The following MYT1L variants were observed in gnomAD, a reference collection of about 807,000 sequenced individuals.
MYT1L encodes myelin transcription factor 1-like protein.
Under a neutral mutation model 126.7 loss-of-function variants are expected in MYT1L, and 12 were observed. The ratio of observed to expected loss-of-function variants is 0.09; its 90% CI spans 0.06 to 0.15. The LOEUF is 0.15. MYT1L is among the 10% of genes least tolerant of loss of function. The probability of loss-of-function intolerance (pLI) is 1.00; values close to 1 mark genes in which losing one functional copy is unlikely to be tolerated. For missense variants in MYT1L, 979 were observed against 1,585.2 expected, an observed-to-expected ratio of 0.62 and a Z score of 6.49; for synonymous variants, 541 against 604.2, an observed-to-expected ratio of 0.90 and a Z score of 1.53.
chr2:2,122,096 T>C (rs1218550796), intron 3 of MYT1L, among the ~76,000 whole-genome samples: 2 of 152,198 alleles, frequency 1.3e-5, no homozygotes, highest in African/African-American at 4.8e-5. Flanking sequence ...GACCTGATTA[T>C]GGCACTGGTG....
In MYT1L at chr2:1,861,627, GCAGCCTGTGTAATCCTGGATCTTCCTA is replaced by G. The variant is rs1373952696; in HGVS notation, c.2712-9951_2712-9925del. On this transcript the variant is annotated intron_variant, in intron 18 of 24. Transcript: ENST00000647738. ...AGCCTGTGTAATCCTAGATCTGCCTGCAGCCTGTGTAATCCTGGATCTTCCTACAGCCTGTGTAATCGTGGATCCTCC... is the reference window on the plus strand; with the variant it reads ...AGCCTGTGTAATCCTAGATCTGCCTGCAGCCTGTGTAATCGTGGATCCTCC... Among the ~76,000 whole-genome samples, 547 of 151,672 alleles carry G rather than the reference GCAGCCTGTGTAATCCTGGATCTTCCTA, an allele frequency of 3.6e-3. 2 individuals are homozygous for G. Among genetic ancestry groups the G allele is most frequent in the African/African-American group, 0.013 (530 of 41,258 alleles).
chr2:2,220,092 C>T (rs2148975295), intron 2 of MYT1L, among the ~76,000 whole-genome samples: 1 of 152,196 alleles, frequency 6.6e-6, no homozygotes, highest in Non-Finnish European at 1.5e-5. Flanking sequence ...GGTGAAATTT[C>T]TGTCCACGAA....
chr2:2,276,386 C>G (rs1160575233), intron 2 of MYT1L, among the ~76,000 whole-genome samples: 1 of 152,194 alleles, frequency 6.6e-6, no homozygotes, highest in African/African-American at 2.4e-5. Context: ...AATTATTTAA[C>G]TCATTGGGAT....
chr2:1,826,303 G>A (rs962353106), intron 21 of MYT1L, among the ~76,000 whole-genome samples: 1 of 152,248 alleles, frequency 6.6e-6, no homozygotes, highest in African/African-American at 2.4e-5. Context: ...GGCGCAGAGG[G>A]CCCTGCTGAA....
chr2:2,319,001 G>A (rs2149675316), intron 1 of MYT1L, among the ~76,000 whole-genome samples: 1 of 152,306 alleles, frequency 6.6e-6, no homozygotes. Flanking sequence ...CAAGGGAAAT[G>A]TGGCAAATAG....
At chr2:1,807,573 C>T (rs529422890) in intron 22 of MYT1L, among the ~76,000 whole-genome samples, 1 of 152,198 alleles carries the variant, frequency 6.6e-6, no homozygotes, top group South Asian at 2.1e-4. Flanking sequence ...TTTGCAGGCT[C>T]CATTTAGAAA....
At chr2:2,147,652 C>CG (rs1335901328) in intron 3 of MYT1L, among the ~76,000 whole-genome samples, 2 of 152,176 alleles carry the variant, frequency 1.3e-5, no homozygotes, top group Non-Finnish European at 2.9e-5. Context: ...ACCCGCAGGA[C>CG]GGGGGGCGGG....
intron 3 of MYT1L, among the ~76,000 whole-genome samples, chr2:2,097,084 C>A (rs1203324071): frequency 6.6e-6 from 1 of 152,168 alleles, no homozygotes. Context: ...ACCATCTCCC[C>A]CAGCCTCCCT....
chr2:2,143,620 G>T (rs2084377096), intron 3 of MYT1L, among the ~76,000 whole-genome samples: 1 of 152,140 alleles, frequency 6.6e-6, no homozygotes, highest in African/African-American at 2.4e-5. Context: ...GAGGGGCAGA[G>T]GTGGGTCATT....
intron 3 of MYT1L, among the ~76,000 whole-genome samples, chr2:2,055,427 C>T (rs72767356): frequency 0.042 from 6,403 of 152,238 alleles, 204 homozygotes; most frequent in Non-Finnish European, 0.065. Context: ...TTTGTTATAG[C>T]TATAAAGCAA....
At chr2:2,042,673 C>T in intron 4 of MYT1L, among the ~76,000 whole-genome samples, 1 of 152,138 alleles carries the variant, frequency 6.6e-6, no homozygotes, top group South Asian at 2.1e-4. Flanking sequence ...GTCCCTGCAC[C>T]AATGGTCCCG....
rs535152531 is a variant in MYT1L at position 1,875,948 on chromosome 2, G to A, written c.2711+10591C>T. Among the ~76,000 whole-genome samples, 7 of 152,164 alleles carry A rather than the reference G, an allele frequency of 4.6e-5. No individual in the cohort carries two copies. In the South Asian group the frequency reaches 8.3e-4, roughly 18 times the overall value. ...TCTGTTCATGTGTTACAGGAAAAAC[G>A]CATTATTTAATCTTATTTAAATAAT... On this transcript the variant is annotated intron_variant, in intron 18 of 24. Coordinates refer to ENST00000647738, the MANE Select transcript of MYT1L (RefSeq NM_001303052.2).
intron 3 of MYT1L, among the ~76,000 whole-genome samples, chr2:2,162,563 T>C (rs945409440): frequency 6.6e-5 from 10 of 152,010 alleles, no homozygotes; most frequent in African/African-American, 2.2e-4. Context: ...GGGCAGTGGA[T>C]TGGGGTCTGG....
At chr2:1,823,789 G>C (rs2038916729) in intron 21 of MYT1L, among the ~76,000 whole-genome samples, 1 of 152,248 alleles carries the variant, frequency 6.6e-6, no homozygotes. Context: ...GGCGTGTTCA[G>C]CCCTGCACTG....
chr2:2,320,063 A>C (rs1180838193), intron 1 of MYT1L, among the ~76,000 whole-genome samples: 3 of 152,096 alleles, frequency 2.0e-5, no homozygotes, highest in Non-Finnish European at 4.4e-5. Flanking sequence ...TGTCACTGAA[A>C]ACTTTAAAAT....
rs2148058901 is a variant in MYT1L at position 1,814,617 on chromosome 2, G to C, written c.3081-5450C>G. Reference sequence around the variant, plus strand: ...TCGGCTTTTGCAGAAACTGCCCCCAGCCTCCACCTCACTGGGGGTGCGGAG... The same window carrying C: ...TCGGCTTTTGCAGAAACTGCCCCCACCCTCCACCTCACTGGGGGTGCGGAG... On this transcript the variant is annotated intron_variant, in intron 21 of 24. Transcript: ENST00000647738. Among the ~76,000 whole-genome samples, 3 of 152,310 alleles carry C rather than the reference G, an allele frequency of 2.0e-5. 1 individual carries two copies. The highest frequency in any genetic ancestry group is 6.8e-3 in the Middle Eastern group (2 of 294).
At chr2:2,244,467 T>A (rs2094495424) in intron 2 of MYT1L, among the ~76,000 whole-genome samples, 1 of 152,254 alleles carries the variant, frequency 6.6e-6, no homozygotes, top group African/African-American at 2.4e-5. Flanking sequence ...CACAACATTC[T>A]GCACAGTGGA....
rs146013065 is a variant in MYT1L, at chr2:2,171,083, C to T, written c.-304+1789G>A. 4.1e-3 allele frequency among the ~76,000 whole-genome samples: 626 copies of T among 152,242 alleles called. 4 individuals carry two copies. The highest frequency in any genetic ancestry group is 0.015 in the African/African-American group (604 of 41,532). On this transcript the variant is annotated intron_variant, in intron 3 of 24. Coordinates refer to ENST00000647738, the MANE Select transcript of MYT1L (RefSeq NM_001303052.2). ...CGGGGCCTGGCTGGAGGGGTCCCGG[C>T]GGACACTCCACTGAGGATGGCAGTC... is the stretch of plus-strand genomic sequence containing the variant.
At chr2:2,255,877 G>A (rs1210629825) in intron 2 of MYT1L, among the ~76,000 whole-genome samples, 2 of 152,046 alleles carry the variant, frequency 1.3e-5, no homozygotes, top group African/African-American at 4.8e-5. Context: ...ACCTATTAGG[G>A]GCCAGTTGAA....
Sources: gnomAD v4.1 joint callset for allele counts (sites outside exome capture counted in the v4.1 genomes callset) on GRCh38, gnomAD v4.1.1 for gene constraint, MANE v1.5 for transcripts, NCBI Gene and HGNC (gene_info 2026-07-23, HGNC 2026-07-21) for gene names.